Variants in ZFHX3 observed in about 807,000 individuals in gnomAD.
ZFHX3 encodes the protein zinc finger homeobox protein 3.
A neutral mutation model predicts 279.1 loss-of-function variants in ZFHX3; 42 were observed. That is an observed-to-expected ratio of 0.15 (90% CI 0.12 to 0.19). ZFHX3 has a LOEUF of 0.19. Ranked by LOEUF, ZFHX3 falls within the 10% of genes least tolerant of loss-of-function variation. The pLI is 1.00. For synonymous variants in ZFHX3, 2,293 were observed against 1,957.8 expected (o/e 1.17, Z -4.52); for missense variants, 4,981 against 4,754.0 (o/e 1.05, Z -1.40).
intron 2 of ZFHX3, among the ~76,000 whole-genome samples, chr16:73,605,515 G>C (rs2052168240): frequency 6.6e-6 from 1 of 152,096 alleles, no homozygotes; most frequent in African/African-American, 2.4e-5. Context: ...GGCATACTTG[G>C]GTTTGTCTGG....
intron 5 of ZFHX3, among the ~76,000 whole-genome samples, chr16:73,161,952 A>G (rs960089114): frequency 1.3e-5 from 2 of 152,204 alleles, no homozygotes; most frequent in African/African-American, 4.8e-5. Flanking sequence ...ATTTGAGATA[A>G]TAATATGATT....
At chr16:73,058,612 C>G (rs987227928) in exon 1 of ZFHX3, 1 of 236,554 alleles carries the variant, frequency 4.2e-6, no homozygotes, top group African/African-American at 2.4e-5. Flanking sequence ...GCTTTTAATC[C>G]CGAAAAGAGG....
intron 2 of ZFHX3, among the ~76,000 whole-genome samples, chr16:73,517,653 T>A (rs1475219805): frequency 6.6e-6 from 1 of 152,206 alleles, no homozygotes; most frequent in Non-Finnish European, 1.5e-5. Flanking sequence ...CTTTCAACTA[T>A]CCCACCTATG....
At chr16:73,576,051 T>A (rs2051796160) in intron 2 of ZFHX3, among the ~76,000 whole-genome samples, 1 of 152,190 alleles carries the variant, frequency 6.6e-6, no homozygotes, top group African/African-American at 2.4e-5. Context: ...TTCTTGACCA[T>A]TTCCCTCAGT....
chr16:73,214,993 T>C (rs2144914049), intron 5 of ZFHX3, among the ~76,000 whole-genome samples: 1 of 152,208 alleles, frequency 6.6e-6, no homozygotes, highest in East Asian at 1.9e-4. Flanking sequence ...TTACAAAGTA[T>C]GGAACTGCAA....
At chr16:73,088,225 G>A (rs921525690) in intron 8 of ZFHX3, among the ~76,000 whole-genome samples, 1 of 151,620 alleles carries the variant, frequency 6.6e-6, no homozygotes, top group Non-Finnish European at 1.5e-5. Context: ...AGCTCACTGC[G>A]GCCTCAAACT....
intron 3 of ZFHX3, among the ~76,000 whole-genome samples, chr16:72,948,806 T>C (rs1005497868): frequency 7.9e-5 from 12 of 152,184 alleles, no homozygotes; most frequent in African/African-American, 2.9e-4. Flanking sequence ...GGAAATTCTT[T>C]TTTCCACTGG....
intron 2 of ZFHX3, among the ~76,000 whole-genome samples, chr16:73,589,935 T>A (rs1243972288): frequency 1.3e-5 from 2 of 152,046 alleles, no homozygotes; most frequent in Non-Finnish European, 2.9e-5. Context: ...CTATTCAAAG[T>A]GTTTTTAAAA....
chr16:73,410,916 C>T (rs2017453236), intron 3 of ZFHX3, among the ~76,000 whole-genome samples: 1 of 152,248 alleles, frequency 6.6e-6, no homozygotes, highest in Admixed American at 6.5e-5. Flanking sequence ...TTCACAGTGG[C>T]AGGTGCAGAA....
intron 2 of ZFHX3, among the ~76,000 whole-genome samples, chr16:73,611,775 T>C (rs1348641401): frequency 6.6e-6 from 1 of 152,182 alleles, no homozygotes; most frequent in Non-Finnish European, 1.5e-5. Flanking sequence ...ATTTAATAAT[T>C]TATAGTTGTT....
At chr16:73,662,780 A>G (rs1021759400) in intron 2 of ZFHX3, among the ~76,000 whole-genome samples, 1 of 152,180 alleles carries the variant, frequency 6.6e-6, no homozygotes, top group African/African-American at 2.4e-5. Context: ...TTTTATCACA[A>G]TTTTATAGAC....
chr16:73,580,598 G>A (rs2051851481), intron 2 of ZFHX3, among the ~76,000 whole-genome samples: 2 of 151,170 alleles, frequency 1.3e-5, no homozygotes, highest in Non-Finnish European at 2.9e-5. Context: ...CAGGATAAAC[G>A]CTTTTTTTTT....
intron 5 of ZFHX3, among the ~76,000 whole-genome samples, chr16:73,148,132 GTAT>G (rs548773614): frequency 1.3e-5 from 2 of 152,176 alleles, no homozygotes; most frequent in Non-Finnish European, 2.9e-5. Context: ...ATTCATTTAT[GTAT>G]TGTCTATGAT....
chr16:73,597,300 C>A (rs1009794089), intron 2 of ZFHX3, among the ~76,000 whole-genome samples: 3 of 152,144 alleles, frequency 2.0e-5, no homozygotes, highest in Non-Finnish European at 4.4e-5. Context: ...AACATTTGGT[C>A]TGTATATTTC....
At chr16:73,752,643 T>G (rs2053771538) in intron 1 of ZFHX3, among the ~76,000 whole-genome samples, 1 of 152,122 alleles carries the variant, frequency 6.6e-6, no homozygotes, top group Non-Finnish European at 1.5e-5. Context: ...CAAAACCGCC[T>G]GGCTGGCCAC....
At chr16:72,819,985 G>A (rs1485635639) in intron 5 of ZFHX3, among the ~76,000 whole-genome samples, 1 of 152,178 alleles carries the variant, frequency 6.6e-6, no homozygotes, top group Non-Finnish European at 1.5e-5. Flanking sequence ...TGCAGAAAGA[G>A]GAAGCGTCTT....
At chr16:73,337,892 C>CGGA (rs1012445200) in intron 3 of ZFHX3, among the ~76,000 whole-genome samples, 12 of 79,224 alleles carry the variant, frequency 1.5e-4, no homozygotes, top group Middle Eastern at 0.01. Flanking sequence ...CTTCCCTTGG[C>CGGA]GGGGGGGGGG....
intron 3 of ZFHX3, among the ~76,000 whole-genome samples, chr16:73,426,768 G>A (rs934030764): frequency 6.6e-6 from 1 of 152,166 alleles, no homozygotes. Flanking sequence ...GGGGAAAGCA[G>A]TCACTGCATA....
At chr16:73,617,325 G>A (rs921695248) in intron 2 of ZFHX3, among the ~76,000 whole-genome samples, 18 of 152,156 alleles carry the variant, frequency 1.2e-4, no homozygotes, top group South Asian at 2.1e-4. Context: ...CAAATCAAAG[G>A]CACTGAATAT....
Sources: gnomAD v4.1 joint callset for allele counts (sites outside exome capture counted in the v4.1 genomes callset) on GRCh38, gnomAD v4.1.1 for gene constraint, MANE v1.5 for transcripts, NCBI Gene and HGNC (gene_info 2026-07-23, HGNC 2026-07-21) for gene names.